DAB1: variants seen among roughly 807,000 people sequenced by gnomAD.
The protein encoded by DAB1 is DAB adaptor protein 1, also known as disabled homolog 1.
Under a neutral mutation model 64.6 loss-of-function variants are expected in DAB1, and 15 were observed. The ratio of observed to expected loss-of-function variants is 0.23; its 90% CI spans 0.16 to 0.36. The LOEUF (loss-of-function observed/expected upper bound fraction) is 0.36, where lower values mean the gene tolerates loss of function less well. Ranked by LOEUF, DAB1 falls within the 10% of genes least tolerant of loss-of-function variation. The pLI is 1.00. For missense variants in DAB1, 596 were observed against 706.7 expected, an observed-to-expected ratio of 0.84 and a Z score of 1.78; for synonymous variants, 235 against 251.9, an observed-to-expected ratio of 0.93 and a Z score of 0.64.
chr1:57,423,068 C>T (rs1442045052), intron 1 of DAB1, among the ~76,000 whole-genome samples: 3 of 151,878 alleles, frequency 2.0e-5, no homozygotes, highest in Non-Finnish European at 2.9e-5. Context: ...TCTCGGACTC[C>T]CTGCCTCTGG....
intron 3 of DAB1, chr1:58,480,878 C>A: frequency 4.8e-6 from 3 of 629,986 alleles, no homozygotes; most frequent in Non-Finnish European, 5.3e-6. Context: ...TTTTTTTTTT[C>A]ACTTCAAACA....
chr1:58,152,877 G>A (rs1424423103), intron 4 of DAB1, among the ~76,000 whole-genome samples: 1 of 152,140 alleles, frequency 6.6e-6, no homozygotes, highest in African/African-American at 2.4e-5. Flanking sequence ...TTATGTACAG[G>A]TGACGAAACA....
chr1:57,235,959 T>A (rs936207868), intron 2 of DAB1, among the ~76,000 whole-genome samples: 1 of 152,172 alleles, frequency 6.6e-6, no homozygotes, highest in African/African-American at 2.4e-5. Context: ...AGCAGTCTCT[T>A]TATCTCCTGA....
At chr1:58,277,132 C>T (rs761698045) in intron 4 of DAB1, among the ~76,000 whole-genome samples, 25 of 150,660 alleles carry the variant, frequency 1.7e-4, no homozygotes, top group African/African-American at 3.7e-4. Context: ...CTCCGCCTCC[C>T]GGGTTCAAGC....
chr1:58,481,772 G>C (rs1645487895), intron 3 of DAB1, among the ~76,000 whole-genome samples: 1 of 152,114 alleles, frequency 6.6e-6, no homozygotes, highest in Non-Finnish European at 1.5e-5. Flanking sequence ...TAAGTCTCAC[G>C]AGATCTGATG....
At chr1:57,695,462 G>A (rs1050446036) in intron 6 of DAB1, among the ~76,000 whole-genome samples, 1 of 152,140 alleles carries the variant, frequency 6.6e-6, no homozygotes, top group Non-Finnish European at 1.5e-5. Flanking sequence ...AATTAAGTCT[G>A]TATGTCTGTA....
At chr1:57,679,883 A>G (rs1463411389) in intron 6 of DAB1, among the ~76,000 whole-genome samples, 7 of 152,200 alleles carry the variant, frequency 4.6e-5, no homozygotes. Flanking sequence ...TTTAGCTAAC[A>G]TGGTAACCCC....
At chr1:57,005,173 T>C (rs917331238) in intron 14 of DAB1, among the ~76,000 whole-genome samples, 3 of 152,172 alleles carry the variant, frequency 2.0e-5, no homozygotes, top group Admixed American at 1.3e-4. Flanking sequence ...ATGCACCACC[T>C]GAGTTTCGAG....
intron 8 of DAB1, among the ~76,000 whole-genome samples, chr1:57,063,588 T>C (rs1378148387): frequency 6.6e-6 from 1 of 152,224 alleles, no homozygotes; most frequent in Non-Finnish European, 1.5e-5. Flanking sequence ...CTCACTGTTA[T>C]GAGCTAACTG....
At chr1:58,497,681 T>C (rs1023607456) in intron 3 of DAB1, among the ~76,000 whole-genome samples, 1 of 152,204 alleles carries the variant, frequency 6.6e-6, no homozygotes, top group Non-Finnish European at 1.5e-5. Context: ...TTTGCAAGTA[T>C]GTCTCCCTCT....
intron 4 of DAB1, among the ~76,000 whole-genome samples, chr1:57,104,348 A>C (rs1363856968): frequency 6.6e-6 from 1 of 152,166 alleles, no homozygotes; most frequent in East Asian, 1.9e-4. Flanking sequence ...TTGGAAAAAA[A>C]AAAACTAGTC....
At chr1:58,350,559 C>T (rs1352390027) in intron 3 of DAB1, among the ~76,000 whole-genome samples, 1 of 152,078 alleles carries the variant, frequency 6.6e-6, no homozygotes, top group East Asian at 1.9e-4. Flanking sequence ...ATGGTATTGC[C>T]TAGGTTTTCT....
At chr1:58,351,356 A>T (rs1042433005) in intron 3 of DAB1, among the ~76,000 whole-genome samples, 4 of 152,132 alleles carry the variant, frequency 2.6e-5, no homozygotes, top group Admixed American at 1.3e-4. Context: ...GAAAGATCAA[A>T]AGGGATTCAT....
intron 2 of DAB1, among the ~76,000 whole-genome samples, chr1:57,176,627 A>T (rs1374774103): frequency 3.9e-5 from 6 of 152,144 alleles, no homozygotes; most frequent in Non-Finnish European, 7.4e-5. Context: ...TTTTCTTGGT[A>T]CATGATATGT....
rs79807092 is a variant in DAB1 at position 57,764,223 on chromosome 1, G to T, written n.552-114558C>A. On this transcript the variant is annotated intron_variant and non_coding_transcript_variant, in intron 6 of 20. Coordinates refer to the DAB1 transcript ENST00000485760. ...CAGTTCTAGAGGGGCCATGAATTCA[G>T]GTCTTAGCTGCCATTTGGTTGCTCA... is the stretch of plus-strand genomic sequence containing the variant. 5.2e-3 allele frequency among the ~76,000 whole-genome samples: 785 copies of T among 152,232 alleles called. 20 individuals are homozygous for T. The highest frequency in any genetic ancestry group is 0.04 in the East Asian group (204 of 5,162).
intron 5 of DAB1, among the ~76,000 whole-genome samples, chr1:57,937,408 G>A (rs1346386998): frequency 5.3e-5 from 8 of 152,114 alleles, no homozygotes; most frequent in African/African-American, 1.4e-4. Context: ...ATGCTCATGA[G>A]AGAAGGCAAA....
intron 2 of DAB1, among the ~76,000 whole-genome samples, chr1:57,286,264 C>T (rs1490180962): frequency 6.6e-6 from 1 of 152,042 alleles, no homozygotes; most frequent in Non-Finnish European, 1.5e-5. Context: ...GGCCTTTATG[C>T]CACTCTTTCT....
chr1:58,387,199 G>T (rs1009747456), intron 3 of DAB1, among the ~76,000 whole-genome samples: 1 of 152,226 alleles, frequency 6.6e-6, no homozygotes, highest in Middle Eastern at 3.2e-3. Flanking sequence ...GCTGGCCCCT[G>T]CTCTACATCC....
chr1:57,515,368 A>G (rs904233615), intron 7 of DAB1, among the ~76,000 whole-genome samples: 26 of 152,198 alleles, frequency 1.7e-4, no homozygotes, highest in Non-Finnish European at 2.9e-4. Context: ...GCTTATTACC[A>G]TCATGGCTGT....
Sources: allele counts gnomAD v4.1 joint callset (sites outside exome capture counted in the v4.1 genomes callset), GRCh38; gene constraint gnomAD v4.1.1; transcripts MANE v1.5; gene names NCBI Gene and HGNC (gene_info 2026-07-23, HGNC 2026-07-21).